Variants in PCDH15 observed in about 807,000 individuals in gnomAD.
PCDH15 encodes protocadherin related 15.
PCDH15 carries 129 observed loss-of-function variants against 178.5 expected under a neutral mutation model. The observed-to-expected ratio is 0.72, with a 90% CI of 0.63 to 0.84. PCDH15 has a LOEUF of 0.84. PCDH15 is among the 40% of genes least tolerant of loss of function. PCDH15 has a pLI of 0.00. For missense variants in PCDH15, 2,230 were observed against 2,099.9 expected (o/e 1.06, Z -1.21); for synonymous variants, 800 against 732.0 (o/e 1.09, Z -1.50).
At chr10:54,996,469 T>C (rs1839646518) in intron 2 of PCDH15, among the ~76,000 whole-genome samples, 1 of 152,084 alleles carries the variant, frequency 6.6e-6, no homozygotes, top group Non-Finnish European at 1.5e-5. Flanking sequence ...ATGTGGATTG[T>C]GTTTTGGTTA....
At chr10:55,442,684 CTATT>C (rs1839224890) in intron 2 of PCDH15, among the ~76,000 whole-genome samples, 1 of 151,148 alleles carries the variant, frequency 6.6e-6, no homozygotes, top group African/African-American at 2.4e-5. Flanking sequence ...AAATATTAAT[CTATT>C]TATTTATGTA....
At chr10:53,858,811 G>A (rs1175267121) in intron 27 of PCDH15, among the ~76,000 whole-genome samples, 2 of 152,114 alleles carry the variant, frequency 1.3e-5, no homozygotes, top group Non-Finnish European at 1.5e-5. Flanking sequence ...GCGAACTAGC[G>A]AAAGGGATCA....
chr10:54,488,508 G>A (rs2079301632), intron 3 of PCDH15, among the ~76,000 whole-genome samples: 1 of 151,738 alleles, frequency 6.6e-6, no homozygotes, highest in African/African-American at 2.4e-5. Flanking sequence ...CATTAGCATA[G>A]CTGTAGTGTT....
intron 28 of PCDH15, among the ~76,000 whole-genome samples, chr10:53,850,185 T>C (rs564571415): frequency 6.6e-6 from 1 of 152,252 alleles, no homozygotes; most frequent in South Asian, 2.1e-4. Context: ...CATGTGATTA[T>C]TTCAATACTA....
intron 2 of PCDH15, among the ~76,000 whole-genome samples, chr10:55,069,396 T>G (rs1173407046): frequency 2.0e-5 from 3 of 148,330 alleles, no homozygotes; most frequent in Non-Finnish European, 4.5e-5. Context: ...CATTTAGCAT[T>G]AGGTGTATCT....
At chr10:54,999,609 T>G (rs969349151) in intron 2 of PCDH15, among the ~76,000 whole-genome samples, 18 of 152,144 alleles carry the variant, frequency 1.2e-4, no homozygotes, top group African/African-American at 4.1e-4. Flanking sequence ...TGGTGCTGCG[T>G]GCTTCAGAGA....
At chr10:53,963,196 GT>G (rs1275769826) in intron 21 of PCDH15, among the ~76,000 whole-genome samples, 1 of 152,036 alleles carries the variant, frequency 6.6e-6, no homozygotes, top group African/African-American at 2.4e-5. Context: ...GCTCATGTTG[GT>G]TCCTGAATTA....
At chr10:54,179,117 A>G (rs921955708) in intron 13 of PCDH15, among the ~76,000 whole-genome samples, 1 of 152,110 alleles carries the variant, frequency 6.6e-6, no homozygotes, top group African/African-American at 2.4e-5. Flanking sequence ...ACACATACAC[A>G]CGTATGTTTA....
chr10:54,039,489 C>T (rs1330675491), intron 18 of PCDH15, among the ~76,000 whole-genome samples: 2 of 151,800 alleles, frequency 1.3e-5, no homozygotes, highest in African/African-American at 4.8e-5. Flanking sequence ...CAGTGGGTTC[C>T]CTCAATGTCT....
chr10:55,341,805 A>ATAT (rs1565032576), intron 2 of PCDH15, among the ~76,000 whole-genome samples: 3 of 16,326 alleles, frequency 1.8e-4, no homozygotes, highest in Non-Finnish European at 2.3e-4. Flanking sequence ...ATATATATAT[A>ATAT]TTTTTTTTTT....
chr10:55,335,434 A>G (rs1301174316), intron 2 of PCDH15, among the ~76,000 whole-genome samples: 1 of 152,230 alleles, frequency 6.6e-6, no homozygotes, highest in African/African-American at 2.4e-5. Context: ...TTAGGGAATG[A>G]AAAAATAAAA....
At chr10:54,927,598 C>G (rs1187782498) in intron 2 of PCDH15, among the ~76,000 whole-genome samples, 1 of 152,016 alleles carries the variant, frequency 6.6e-6, no homozygotes, top group Non-Finnish European at 1.5e-5. Context: ...TAAGAACATG[C>G]TTTATGAATC....
At chr10:53,930,682 T>G (rs761698246) in intron 25 of PCDH15, among the ~76,000 whole-genome samples, 3 of 152,082 alleles carry the variant, frequency 2.0e-5, no homozygotes, top group Non-Finnish European at 4.4e-5. Context: ...TATTTGAAAC[T>G]TACCAGATCA....
chr10:54,715,435 C>T (rs561114216), intron 1 of PCDH15, among the ~76,000 whole-genome samples: 1 of 152,146 alleles, frequency 6.6e-6, no homozygotes, highest in African/African-American at 2.4e-5. Flanking sequence ...TCGGAAATAG[C>T]AAAACAGTGC....
intron 2 of PCDH15, among the ~76,000 whole-genome samples, chr10:54,901,569 T>A (rs1954640595): frequency 6.6e-6 from 1 of 152,172 alleles, no homozygotes; most frequent in African/African-American, 2.4e-5. Context: ...ATGACCACAT[T>A]ATTTTAGAGA....
intron 26 of PCDH15, among the ~76,000 whole-genome samples, chr10:53,887,135 A>C (rs77538645): frequency 0.011 from 1,613 of 152,232 alleles, 17 homozygotes; most frequent in Non-Finnish European, 0.019. Context: ...CATTCTCCCT[A>C]CCACCCTGTC....
At chr10:54,445,884 C>G (rs1378961630) in intron 3 of PCDH15, among the ~76,000 whole-genome samples, 2 of 151,534 alleles carry the variant, frequency 1.3e-5, no homozygotes, top group Admixed American at 6.6e-5. Flanking sequence ...ATTCATATCT[C>G]TTTTCCATAC....
At chr10:55,325,355 TG>T (rs1844003171) in intron 2 of PCDH15, among the ~76,000 whole-genome samples, 1 of 151,998 alleles carries the variant, frequency 6.6e-6, no homozygotes, top group Non-Finnish European at 1.5e-5. Context: ...TAGCATGGTA[TG>T]GTACAGAAAC....
At chr10:55,414,770 G>GGT (rs71014486) in intron 2 of PCDH15, among the ~76,000 whole-genome samples, 4,510 of 146,930 alleles carry the variant, frequency 0.031, 71 homozygotes, top group African/African-American at 0.042. Context: ...TCTAACAAGG[G>GGT]GTGTGTGTGT....
Sources: gnomAD v4.1 joint callset for allele counts (sites outside exome capture counted in the v4.1 genomes callset) on GRCh38, gnomAD v4.1.1 for gene constraint, MANE v1.5 for transcripts, NCBI Gene and HGNC (gene_info 2026-07-23, HGNC 2026-07-21) for gene names.